PSD3: variants seen among roughly 807,000 people sequenced by gnomAD.
PSD3 encodes the protein PH and SEC7 domain-containing protein 3.
PSD3 carries 49 observed loss-of-function variants against 105.5 expected under a neutral mutation model. The ratio of observed to expected loss-of-function variants is 0.46; its 90% CI spans 0.37 to 0.59. The LOEUF (loss-of-function observed/expected upper bound fraction) is 0.59, where lower values mean the gene tolerates loss of function less well. Among genes scored for constraint, PSD3 ranks in the 20% least tolerant of loss-of-function variants. The probability of loss-of-function intolerance (pLI) is 0.00; values close to 1 mark genes in which losing one functional copy is unlikely to be tolerated. For missense variants in PSD3, 1,561 were observed against 1,263.8 expected, an observed-to-expected ratio of 1.24 and a Z score of -3.57; for synonymous variants, 557 against 457.8, an observed-to-expected ratio of 1.22 and a Z score of -2.77.
intron 15 of PSD3, among the ~76,000 whole-genome samples, chr8:18,542,718 T>C (rs964979999): frequency 1.3e-5 from 2 of 152,198 alleles, no homozygotes; most frequent in Non-Finnish European, 2.9e-5. Flanking sequence ...ACAATGCCTC[T>C]AACTAATAAG....
Position 18,772,625 on chromosome 8 carries a change from C to T in PSD3, c.2083-7087G>A, listed in dbSNP as rs187665615. ...CCAAGTTCAAGTGTTTCTCCTGACT[C>T]GGCCTCCCAAGTAGCTGGGATTACA... On this transcript the variant is annotated intron_variant, in intron 8 of 15. Coordinates refer to ENST00000327040, the MANE Select transcript of PSD3 (RefSeq NM_015310.4). Among the ~76,000 whole-genome samples, 8 of 152,276 alleles carry T rather than the reference C, an allele frequency of 5.3e-5. 1 individual carries two copies. The highest frequency in any genetic ancestry group is 1.9e-4 in the East Asian group (1 of 5,166).
At chr8:18,705,534 C>CAAAAAAAA (rs34331384) in intron 9 of PSD3, among the ~76,000 whole-genome samples, 5 of 88,446 alleles carry the variant, frequency 5.7e-5, no homozygotes, top group African/African-American at 1.9e-4. Context: ...CTGTCTCAAG[C>CAAAAAAAA]AAAAAAAAAA....
At chr8:18,930,796 T>C (rs905188715) in intron 2 of PSD3, among the ~76,000 whole-genome samples, 1 of 152,016 alleles carries the variant, frequency 6.6e-6, no homozygotes, top group African/African-American at 2.4e-5. Flanking sequence ...TCTCCATCTC[T>C]TGATCTCGTG....
chr8:18,601,496 A>G (rs1173051145), intron 11 of PSD3, among the ~76,000 whole-genome samples: 1 of 152,174 alleles, frequency 6.6e-6, no homozygotes, highest in Non-Finnish European at 1.5e-5. Flanking sequence ...TGAATACTCA[A>G]GAATTCTTAG....
intron 12 of PSD3, among the ~76,000 whole-genome samples, chr8:18,594,405 AATAT>A (rs202115262): frequency 1.7e-5 from 2 of 117,754 alleles, no homozygotes; most frequent in African/African-American, 6.9e-5. Context: ...TATATTATAT[AATAT>A]ATAAATAATA....
exon 1 of PSD3, chr8:19,084,511 T>G (rs1659345683): frequency 2.3e-6 from 1 of 427,676 alleles, no homozygotes; most frequent in African/African-American, 2.0e-5. Context: ...ATGGAGGGAC[T>G]GCTGCTTTCA....
intron 4 of PSD3, among the ~76,000 whole-genome samples, chr8:18,837,448 G>C (rs1023532022): frequency 2.0e-5 from 3 of 152,124 alleles, no homozygotes; most frequent in Non-Finnish European, 4.4e-5. Flanking sequence ...AAGAGGAGTA[G>C]GAGCAAGTTC....
chr8:19,042,146 C>T (rs927883881), intron 1 of PSD3, among the ~76,000 whole-genome samples: 4 of 152,028 alleles, frequency 2.6e-5, no homozygotes, highest in African/African-American at 4.8e-5. Flanking sequence ...GCTTTTAAAA[C>T]GTTACATAAT....
chr8:18,866,941 T>C (rs1816984252), intron 4 of PSD3, among the ~76,000 whole-genome samples: 1 of 151,738 alleles, frequency 6.6e-6, no homozygotes, highest in Non-Finnish European at 1.5e-5. Context: ...ATTCATAAAA[T>C]TGTCACAGGT....
chr8:18,861,969 A>G (rs1048296774), intron 4 of PSD3, among the ~76,000 whole-genome samples: 1 of 152,078 alleles, frequency 6.6e-6, no homozygotes, highest in Non-Finnish European at 1.5e-5. Context: ...ACCACAGTGC[A>G]CTGTGCTTCA....
chr8:19,084,109 G>A, intron 1 of PSD3: 1 of 371,088 alleles, frequency 2.7e-6, no homozygotes, highest in South Asian at 2.0e-5. Flanking sequence ...CATCTAAGCA[G>A]AGGAGAGAAC....
chr8:18,958,980 G>A (rs1823747389), intron 1 of PSD3, among the ~76,000 whole-genome samples: 1 of 151,590 alleles, frequency 6.6e-6, no homozygotes, highest in Non-Finnish European at 1.5e-5. Context: ...GAGTGCAACG[G>A]TGTGATCTTG....
intron 11 of PSD3, among the ~76,000 whole-genome samples, chr8:18,618,698 G>C (rs189913676): frequency 6.7e-4 from 101 of 151,780 alleles, no homozygotes; most frequent in African/African-American, 2.4e-3. Flanking sequence ...TTTCTAATGG[G>C]ATATTCTTTT....
intron 4 of PSD3, among the ~76,000 whole-genome samples, chr8:18,818,032 C>A (rs998515547): frequency 2.0e-5 from 3 of 152,186 alleles, no homozygotes; most frequent in Non-Finnish European, 4.4e-5. Context: ...CGGCTCACTG[C>A]AACCTCTGCC....
intron 4 of PSD3, among the ~76,000 whole-genome samples, chr8:18,858,255 G>C (rs1270137152): frequency 6.6e-6 from 1 of 152,142 alleles, no homozygotes; most frequent in Non-Finnish European, 1.5e-5. Flanking sequence ...GTGTGCAACG[G>C]TATTTTGTCT....
intron 1 of PSD3, among the ~76,000 whole-genome samples, chr8:19,007,626 T>A (rs1826753682): frequency 6.6e-6 from 1 of 152,078 alleles, no homozygotes; most frequent in Non-Finnish European, 1.5e-5. Context: ...GAAGTTTGAC[T>A]CGCACTAGTA....
At chr8:18,831,234 A>G (rs1813657601) in intron 4 of PSD3, among the ~76,000 whole-genome samples, 1 of 152,216 alleles carries the variant, frequency 6.6e-6, no homozygotes. Flanking sequence ...TCATCTGTAA[A>G]GTGAAAGTAT....
In PSD3 at chr8:18,904,810, T is replaced by C. The variant is rs528729350; in HGVS notation, c.130+31224A>G. ...TTGCAACCAAAACAACCACAGACAA[T>C]AGTAAATTAACATAAGACTGTTTTC... On this transcript the variant is annotated intron_variant, in intron 2 of 15. Coordinates refer to ENST00000327040, the MANE Select transcript of PSD3 (RefSeq NM_015310.4). 7.2e-5 allele frequency among the ~76,000 whole-genome samples: 11 copies of C among 152,138 alleles called. No homozygotes were observed. In the South Asian group the frequency reaches 1.0e-3, roughly 14 times the overall value.
At chr8:19,015,158 G>A (rs761753856), upstream of PSD3, among the ~76,000 whole-genome samples, 19 of 152,090 alleles carry the variant, frequency 1.2e-4, no homozygotes, top group Non-Finnish European at 2.4e-4. Context: ...GGCTGTTCTC[G>A]TCATAGTGAA....
Sources: allele counts gnomAD v4.1 joint callset (sites outside exome capture counted in the v4.1 genomes callset), GRCh38; gene constraint gnomAD v4.1.1; transcripts MANE v1.5; gene names NCBI Gene and HGNC (gene_info 2026-07-23, HGNC 2026-07-21).